Variants in SLC2A14 observed in about 807,000 individuals in gnomAD.
SLC2A14 encodes the protein solute carrier family 2, facilitated glucose transporter member 14.
In SLC2A14, 13 loss-of-function variants were observed where a neutral mutation model predicts 43.0. The observed-to-expected ratio is 0.30, with a 90% confidence interval of 0.20 to 0.48. The LOEUF (loss-of-function observed/expected upper bound fraction) is 0.48. Ranked by LOEUF, SLC2A14 falls within the 20% of genes least tolerant of loss-of-function variation. The probability of loss-of-function intolerance (pLI) is 0.99; values close to 1 mark genes in which losing one functional copy is unlikely to be tolerated. For missense variants in SLC2A14, 428 were observed against 620.4 expected (o/e 0.69, Z 3.29); for synonymous variants, 190 against 233.8 (o/e 0.81, Z 1.71).
intron 1 of SLC2A14, among the ~76,000 whole-genome samples, chr12:7,890,299 A>G (rs1945752615): frequency 6.6e-6 from 1 of 151,972 alleles, no homozygotes; most frequent in Non-Finnish European, 1.5e-5. Context: ...GAGTCCTGCT[A>G]AACAACAGTA....
chr12:7,824,117 G>T (rs185209251), intron 7 of SLC2A14, among the ~76,000 whole-genome samples: 14 of 151,988 alleles, frequency 9.2e-5, no homozygotes, highest in African/African-American at 3.4e-4. Context: ...TCAGCCGGGT[G>T]TGGTGGCAGG....
At chr12:7,821,089 A>G in intron 8 of SLC2A14, 132 bp downstream of exon 8, 1 of 662,266 alleles carries the variant, frequency 1.5e-6, no homozygotes, top group Non-Finnish European at 2.4e-6. Flanking sequence ...TCTGTCTCAA[A>G]AAATTTAAAA....
chr12:7,877,117 C>A (rs1712897251), upstream of SLC2A14, among the ~76,000 whole-genome samples: 2 of 151,522 alleles, frequency 1.3e-5, no homozygotes, highest in South Asian at 4.2e-4. Context: ...GATTCTCCAG[C>A]TTCAGCCTCC....
At chr12:7,867,210 C>A (rs1302839323) in intron 2 of SLC2A14, among the ~76,000 whole-genome samples, 1 of 133,558 alleles carries the variant, frequency 7.5e-6, no homozygotes, top group African/African-American at 2.8e-5. Flanking sequence ...ACCCAGGAGG[C>A]GGAGCTTGCA....
At chr12:7,888,596 G>A (rs764228839) in intron 1 of SLC2A14, among the ~76,000 whole-genome samples, 3 of 151,920 alleles carry the variant, frequency 2.0e-5, no homozygotes, top group Non-Finnish European at 4.4e-5. Context: ...TCAAGAGATC[G>A]AGACCATCCT....
intron 2 of SLC2A14, chr12:7,863,535 G>A (rs1944725651): frequency 7.6e-6 from 3 of 395,592 alleles, no homozygotes; most frequent in South Asian, 3.7e-5. Flanking sequence ...GCTGAGGCAG[G>A]AGAATGAACC....
chr12:7,890,964 C>T, intron 1 of SLC2A14: 1 of 1,521,630 alleles, frequency 6.6e-7, no homozygotes, highest in Middle Eastern at 1.7e-4. Context: ...GGACTACCTG[C>T]CTTGAAGCAT....
chr12:7,869,718 T>C, intron 2 of SLC2A14, 145 bp downstream of exon 2: 3 of 525,840 alleles, frequency 5.7e-6, no homozygotes, highest in African/African-American at 1.9e-5. Flanking sequence ...ACCAAGTCTG[T>C]TGGCTGTAAC....
chr12:7,863,196 G>A (rs113504076), intron 2 of SLC2A14, among the ~76,000 whole-genome samples: 13 of 152,124 alleles, frequency 8.5e-5, no homozygotes, highest in African/African-American at 2.7e-4. Flanking sequence ...CGGAAGGAAC[G>A]AACGACTCCT....
Position 7,856,622 on chromosome 12 carries a change from C to T in SLC2A14, c.18+13241G>A, listed in dbSNP as rs192778836. ...AGAGTGCATAGCTGCTGAGGAAGAGCACTATTGACGGCATCGATGGAGATG... is the reference window on the plus strand; with the variant it reads ...AGAGTGCATAGCTGCTGAGGAAGAGTACTATTGACGGCATCGATGGAGATG... On this transcript the variant is annotated intron_variant, in intron 2 of 10. Transcript: ENST00000431042. Among the ~76,000 whole-genome samples, 113 of 152,222 alleles carry T rather than the reference C, an allele frequency of 7.4e-4. 1 individual carries two copies. The highest frequency in any genetic ancestry group is 1.2e-3 in the Non-Finnish European group (82 of 68,010).
intron 9 of SLC2A14, among the ~76,000 whole-genome samples, chr12:7,818,692 T>C (rs1403557935): frequency 4.5e-5 from 1 of 21,994 alleles, no homozygotes; most frequent in Non-Finnish European, 9.1e-5. Context: ...AAAAAAATAC[T>C]TTTTTTTTTT....
intron 2 of SLC2A14, chr12:7,839,783 G>C (rs1254698549): frequency 2.2e-6 from 1 of 451,748 alleles, no homozygotes; most frequent in Non-Finnish European, 4.4e-6. Flanking sequence ...ATACAGAAGG[G>C]GCTTCGGAGG....
chr12:7,865,022 GT>G (rs1455343216), intron 2 of SLC2A14, among the ~76,000 whole-genome samples: 1 of 152,064 alleles, frequency 6.6e-6, no homozygotes, highest in African/African-American at 2.4e-5. Context: ...CAAATTGAAG[GT>G]TTGTGGCAAT....
chr12:7,873,167 A>G (rs1945335518), upstream of SLC2A14: 3 of 985,282 alleles, frequency 3.0e-6, no homozygotes, highest in South Asian at 4.7e-5. Flanking sequence ...GGGCGGGGGA[A>G]CTCTTTACGG....
chr12:7,825,491 C>T (rs1203482090), intron 7 of SLC2A14, among the ~76,000 whole-genome samples: 4 of 109,322 alleles, frequency 3.7e-5, no homozygotes, highest in African/African-American at 6.7e-5. Flanking sequence ...AAGCCAGGCG[C>T]GGTGGCTCAT....
At chr12:7,862,616 G>C (rs1944641505) in intron 2 of SLC2A14, among the ~76,000 whole-genome samples, 1 of 152,300 alleles carries the variant, frequency 6.6e-6, no homozygotes, top group African/African-American at 2.4e-5. Context: ...CAGCACCGGT[G>C]CGTGATCCAC....
chr12:7,866,012 T>C (rs1223157544), intron 2 of SLC2A14, among the ~76,000 whole-genome samples: 1 of 151,482 alleles, frequency 6.6e-6, no homozygotes, highest in Non-Finnish European at 1.5e-5. Flanking sequence ...AGGTCAGGAG[T>C]TCGAGACCAT....
chr12:7,878,422 C>T (rs991305796), upstream of SLC2A14, among the ~76,000 whole-genome samples: 2 of 151,792 alleles, frequency 1.3e-5, no homozygotes, highest in Non-Finnish European at 2.9e-5. Flanking sequence ...CCATGCCTAG[C>T]GAATTTTTGT....
intron 1 of SLC2A14, among the ~76,000 whole-genome samples, chr12:7,883,585 C>CTTTTTTTTTTTTT (rs1378522679): frequency 8.3e-6 from 1 of 121,080 alleles, no homozygotes; most frequent in African/African-American, 3.2e-5. Context: ...TTTTCTTTTT[C>CTTTTTTTTTTTTT]TTTTCTTTTT....
Sources: allele counts gnomAD v4.1 joint callset (sites outside exome capture counted in the v4.1 genomes callset), GRCh38; gene constraint gnomAD v4.1.1; transcripts MANE v1.5; gene names NCBI Gene and HGNC (gene_info 2026-07-23, HGNC 2026-07-21).